The following PDGFD variants were observed in gnomAD, a reference collection of about 807,000 sequenced individuals.
PDGFD encodes platelet derived growth factor D.
In PDGFD, 30 loss-of-function variants were observed where a neutral mutation model predicts 44.7. The ratio of observed to expected loss-of-function variants is 0.67; its 90% confidence interval spans 0.50 to 0.91. The LOEUF (loss-of-function observed/expected upper bound fraction) is 0.91. PDGFD is among the 40% of genes least tolerant of loss of function. The pLI is 0.00. For missense variants in PDGFD, 445 were observed against 457.8 expected, an observed-to-expected ratio of 0.97 and a Z score of 0.25; for synonymous variants, 173 against 168.4, an observed-to-expected ratio of 1.03 and a Z score of -0.21.
chr11:104,099,902 C>T (rs1157837381), intron 1 of PDGFD, among the ~76,000 whole-genome samples: 1 of 152,064 alleles, frequency 6.6e-6, no homozygotes, highest in Non-Finnish European at 1.5e-5. Context: ...TTAAGAATAA[C>T]ACGGATTGCT....
intron 1 of PDGFD, among the ~76,000 whole-genome samples, chr11:104,153,318 A>C (rs4403779): frequency 0.073 from 11,106 of 152,278 alleles, 478 homozygotes; most frequent in East Asian, 0.11. Flanking sequence ...GATTCATCAG[A>C]CCTCATTGAG....
At chr11:104,009,576 T>C (rs1400526628) in intron 1 of PDGFD, among the ~76,000 whole-genome samples, 1 of 151,912 alleles carries the variant, frequency 6.6e-6, no homozygotes, top group Non-Finnish European at 1.5e-5. Flanking sequence ...GGTGTTTTGT[T>C]GAAGCAGCAA....
At chr11:103,983,895 A>G (rs1218430981) in intron 3 of PDGFD, among the ~76,000 whole-genome samples, 4 of 151,698 alleles carry the variant, frequency 2.6e-5, no homozygotes, top group Non-Finnish European at 5.9e-5. Context: ...AGTAAAAAGT[A>G]AAAAAATAAC....
At chr11:103,975,241 A>G (rs1016971010) in intron 3 of PDGFD, among the ~76,000 whole-genome samples, 2 of 152,114 alleles carry the variant, frequency 1.3e-5, no homozygotes, top group South Asian at 2.1e-4. Context: ...CTAATAACCA[A>G]TGATGATGAG....
At position 103,907,561 on chromosome 11, in the gene PDGFD, T is replaced by C. The variant is rs1857955110; in HGVS notation, c.*2133A>G. ...AAAGGCAAAGAAAAGTGAGTGAATA[T>C]GCCTGCTTACATTTCAGCTAATAAA... On this transcript the variant is annotated 3_prime_UTR_variant, in exon 7 of 7. Coordinates refer to ENST00000393158, the MANE Select transcript of PDGFD (RefSeq NM_025208.5). The C allele has an allele frequency of 6.6e-6, 1 of 152,216 alleles. No individual in the cohort carries two copies. The highest frequency in any genetic ancestry group is 6.5e-5 in the Admixed American group (1 of 15,286). The allele number at this position is 152,216 out of a possible 1,614,324, so 9.4% of individuals were successfully genotyped here. A position where few individuals can be genotyped will look rare whatever the true frequency, so the allele number is the denominator to read the frequency against.
chr11:104,042,719 A>T (rs1860377166), intron 1 of PDGFD, among the ~76,000 whole-genome samples: 1 of 152,224 alleles, frequency 6.6e-6, no homozygotes, highest in Admixed American at 6.5e-5. Context: ...CAAATAAAGC[A>T]GACAATTACC....
intron 3 of PDGFD, among the ~76,000 whole-genome samples, chr11:103,958,438 T>G (rs1858889444): frequency 6.6e-6 from 1 of 152,214 alleles, no homozygotes; most frequent in Non-Finnish European, 1.5e-5. Flanking sequence ...TATTAAAGAT[T>G]GTACTTTTGA....
intron 1 of PDGFD, among the ~76,000 whole-genome samples, chr11:104,025,917 T>C (rs1860036373): frequency 6.6e-6 from 1 of 152,204 alleles, no homozygotes; most frequent in African/African-American, 2.4e-5. Flanking sequence ...ACCTTTTCTC[T>C]TGTGCACCCA....
chr11:104,015,587 A>C (rs1859849145), intron 1 of PDGFD, among the ~76,000 whole-genome samples: 1 of 152,256 alleles, frequency 6.6e-6, no homozygotes, highest in Admixed American at 6.5e-5. Flanking sequence ...TAAAGAAAAC[A>C]GTACATTCAA....
At chr11:103,922,937 C>G (rs1441644377) in intron 6 of PDGFD, among the ~76,000 whole-genome samples, 1 of 152,020 alleles carries the variant, frequency 6.6e-6, no homozygotes, top group Non-Finnish European at 1.5e-5. Flanking sequence ...AACAAACAGG[C>G]CTTGCTAATT....
At chr11:104,076,427 T>C (rs774126183) in intron 1 of PDGFD, among the ~76,000 whole-genome samples, 60 of 152,256 alleles carry the variant, frequency 3.9e-4, no homozygotes, top group Non-Finnish European at 4.0e-4. Flanking sequence ...GAGGACAGAG[T>C]AGTGTTTCTA....
chr11:104,104,915 A>G (rs540827136), intron 1 of PDGFD, among the ~76,000 whole-genome samples: 2 of 152,220 alleles, frequency 1.3e-5, no homozygotes, highest in South Asian at 4.2e-4. Flanking sequence ...ACATATATCT[A>G]TGGGAACGCT....
chr11:104,138,390 C>A (rs570045087), intron 1 of PDGFD, among the ~76,000 whole-genome samples: 2 of 152,208 alleles, frequency 1.3e-5, no homozygotes, highest in Non-Finnish European at 2.9e-5. Context: ...TAAACAGCAA[C>A]CTCCCTGGTT....
intron 6 of PDGFD, among the ~76,000 whole-genome samples, chr11:103,919,753 C>A (rs1858183296): frequency 6.6e-6 from 1 of 152,058 alleles, no homozygotes; most frequent in South Asian, 2.1e-4. Context: ...AGGTGATCTG[C>A]CTGCCTCAGC....
intron 3 of PDGFD, among the ~76,000 whole-genome samples, chr11:103,949,244 C>CT (rs1311681691): frequency 6.6e-6 from 1 of 152,054 alleles, no homozygotes; most frequent in African/African-American, 2.4e-5. Context: ...CTCAGGTGAT[C>CT]TACCCACCTC....
intron 1 of PDGFD, among the ~76,000 whole-genome samples, chr11:104,136,879 C>T (rs1442870961): frequency 6.6e-6 from 1 of 152,122 alleles, no homozygotes; most frequent in African/African-American, 2.4e-5. Context: ...GGGTCAACTC[C>T]CTTGAACATT....
At chr11:104,100,128 G>C (rs1190812418) in intron 1 of PDGFD, among the ~76,000 whole-genome samples, 1 of 152,092 alleles carries the variant, frequency 6.6e-6, no homozygotes, top group Admixed American at 6.6e-5. Context: ...TCCACCACTT[G>C]AATCCTCAGG....
intron 3 of PDGFD, among the ~76,000 whole-genome samples, chr11:103,960,705 TAGAAC>T (rs1858921848): frequency 6.6e-6 from 1 of 152,196 alleles, no homozygotes; most frequent in South Asian, 2.1e-4. Flanking sequence ...TTGGAGCAGC[TAGAAC>T]AAATTCCCAT....
At chr11:103,976,840 T>G (rs943187056) in intron 3 of PDGFD, among the ~76,000 whole-genome samples, 1 of 152,120 alleles carries the variant, frequency 6.6e-6, no homozygotes, top group African/African-American at 2.4e-5. Flanking sequence ...GTTTATGTCA[T>G]GGATTATGTT....
Sources: allele counts gnomAD v4.1 joint callset (sites outside exome capture counted in the v4.1 genomes callset), GRCh38; gene constraint gnomAD v4.1.1; transcripts MANE v1.5; gene names NCBI Gene and HGNC (gene_info 2026-07-23, HGNC 2026-07-21).